Variants in CYP4F22 observed in about 807,000 individuals in gnomAD.
CYP4F22 encodes the protein ultra-long-chain fatty acid omega-hydroxylase.
Under a neutral mutation model 60.4 loss-of-function variants are expected in CYP4F22, and 37 were observed. That is an observed-to-expected ratio of 0.61 (90% CI 0.47 to 0.81). The LOEUF (loss-of-function observed/expected upper bound fraction) is 0.81, where lower values mean the gene tolerates loss of function less well. CYP4F22 is among the 30% of genes least tolerant of loss of function. The probability of loss-of-function intolerance (pLI) is 0.00; values close to 1 mark genes in which losing one functional copy is unlikely to be tolerated. For synonymous variants in CYP4F22, 258 were observed against 280.5 expected, an observed-to-expected ratio of 0.92 and a Z score of 0.80; for missense variants, 655 against 715.0, an observed-to-expected ratio of 0.92 and a Z score of 0.96.
At chr19:15,511,223 G>C (rs1971088367) in intron 1 of CYP4F22, among the ~76,000 whole-genome samples, 1 of 151,472 alleles carries the variant, frequency 6.6e-6, no homozygotes, top group Non-Finnish European at 1.5e-5. Flanking sequence ...TCCTCCCAAA[G>C]TGCTGAGATT....
Position 15,551,536 on chromosome 19 carries a change from C to T in CYP4F22, c.*65C>T. The T allele has an allele frequency of 6.6e-7, 1 of 1,520,154 alleles. No homozygotes were observed. Among genetic ancestry groups the T allele is most frequent in the Non-Finnish European group, 8.8e-7 (1 of 1,132,668 alleles). The allele number at this position is 1,520,154 out of a possible 1,614,324, so 94.2% of individuals were successfully genotyped here. On this transcript the variant is annotated 3_prime_UTR_variant, in exon 14 of 14. Coordinates refer to ENST00000269703, the MANE Select transcript of CYP4F22 (RefSeq NM_173483.4). ...CGCCCCCAAAGGACCAGGACTCGCC[C>T]CAAAGATCCCGAGGGCATAGGCCAC...
intron 4 of CYP4F22, 105 bp downstream of exon 4, chr19:15,529,958 G>T (rs1054450507): frequency 7.5e-5 from 113 of 1,497,926 alleles, no homozygotes; most frequent in Non-Finnish European, 1.0e-4. Flanking sequence ...TTTGAATAGG[G>T]CTTTGAAGGA....
At chr19:15,525,300 G>A (rs1971268577) in intron 2 of CYP4F22, 36 bp from the exon 3 acceptor site, 2 of 1,600,122 alleles carry the variant, frequency 1.2e-6, no homozygotes, top group East Asian at 4.5e-5. Context: ...ATCGTCTTGT[G>A]CATGGCACCG....
intron 13 of CYP4F22, among the ~76,000 whole-genome samples, 157 bp downstream of exon 13, chr19:15,550,913 A>G (rs530212835): frequency 6.6e-6 from 1 of 152,240 alleles, no homozygotes; most frequent in Admixed American, 6.5e-5. Context: ...AGGCCCCCAA[A>G]TCAGACTCTG....
rs1971585595 is a variant in CYP4F22 at position 15,550,752 on chromosome 19, C to T, written c.1414C>T (p.Pro472Ser). 6.2e-7 allele frequency: 1 copy of T among 1,614,066 alleles called. No individual in the cohort carries two copies. The highest frequency in any genetic ancestry group is 1.3e-5 in the African/African-American group (1 of 74,922). The change falls in exon 13 of 14, where the codon CCC becomes TCC. Residue 472 changes from proline (P) to serine (S), a missense_variant. By Grantham distance (74) the Pro-to-Ser change is moderately conservative. This residue lies in a region of CYP4F22 where 151 missense variants were observed against 139.4 expected (regional missense o/e 1.08). Coordinates refer to ENST00000269703, the MANE Select transcript of CYP4F22 (RefSeq NM_173483.4). ...PLAYVPFSAG[P>S]RNCIGQSFAM... is the part of the protein sequence containing the mutation. ...GGCCTATGTGCCCTTCTCTGCAGGA[C>T]CCAGGTAACCCCTCTATTTCCCCTA...
rs1409792142 is a variant in CYP4F22, at chr19:15,547,990, AGAGAGGGAGAGAGTGT to A, written c.1137-116_1137-101del. On this transcript the variant is annotated intron_variant, in intron 10 of 13. Coordinates refer to ENST00000269703, the MANE Select transcript of CYP4F22 (RefSeq NM_173483.4). ...CCCTGAGAGAGAGAGAGAGAGAGAG[AGAGAGGGAGAGAGTGT>A]GTGTGTGTGTGTGTGTGTGTGTGTG... 1,600 of 332,502 alleles carry A rather than the reference AGAGAGGGAGAGAGTGT, an allele frequency of 4.8e-3. 73 individuals carry two copies. The highest frequency in any genetic ancestry group is 0.01 in the East Asian group (114 of 10,892). The allele number at this position is 332,502 out of a possible 1,614,324, so 20.6% of individuals were successfully genotyped here.
intron 3 of CYP4F22, 120 bp from the exon 4 acceptor site, chr19:15,529,589 C>A: frequency 2.1e-6 from 3 of 1,418,516 alleles, no homozygotes; most frequent in Non-Finnish European, 2.9e-6. Flanking sequence ...AGCCAACTGC[C>A]TGAAATCATA....
At chr19:15,532,988 C>T (rs961120300) in intron 4 of CYP4F22, among the ~76,000 whole-genome samples, 1 of 152,196 alleles carries the variant, frequency 6.6e-6, no homozygotes, top group Non-Finnish European at 1.5e-5. Context: ...ACAGATCAGG[C>T]TCCAGTCACA....
intron 3 of CYP4F22, 35 bp downstream of exon 3, chr19:15,525,593 G>C: frequency 6.3e-7 from 1 of 1,591,812 alleles, no homozygotes. Context: ...GCTGGGCTGG[G>C]CTGGGCATGT....
In CYP4F22 at chr19:15,548,002, A is replaced by AGAGAGAGAGAGTGTGT. The variant is rs1237209926; in HGVS notation, c.1137-105_1137-104insAGAGAGAGAGTGTGTG. 1.2e-5 allele frequency: 4 copies of AGAGAGAGAGAGTGTGT among 322,402 alleles called. No homozygotes were observed. In the African/African-American group the frequency reaches 1.7e-4, roughly 13 times the overall value. The allele number at this position is 322,402 out of a possible 1,614,324, so 20.0% of individuals were successfully genotyped here. On this transcript the variant is annotated intron_variant, in intron 10 of 13. Transcript: ENST00000269703. ...GAGAGAGAGAGAGAGAGAGGGAGAG[A>AGAGAGAGAGAGTGTGT]GTGTGTGTGTGTGTGTGTGTGTGTG... is the stretch of plus-strand genomic sequence containing the variant.
At chr19:15,533,128 T>A (rs183704181) in intron 4 of CYP4F22, among the ~76,000 whole-genome samples, 4 of 152,298 alleles carry the variant, frequency 2.6e-5, no homozygotes, top group Admixed American at 6.5e-5. Flanking sequence ...TTCCCCATCA[T>A]CTTATGGGCC....
chr19:15,513,349 G>GTAGATATA (rs1971114335), intron 1 of CYP4F22, among the ~76,000 whole-genome samples: 1 of 75,236 alleles, frequency 1.3e-5, no homozygotes, highest in Non-Finnish European at 2.5e-5. Context: ...CTAATTTTTT[G>GTAGATATA]TATATATATA....
chr19:15,548,213 G>A lies in CYP4F22; in HGVS notation c.1242G>A (p.Lys414=), dbSNP rs762300969. Residue 414 remains lysine, a synonymous_variant, in exon 11 of 14, where the codon AAG becomes AAA. Coordinates refer to ENST00000269703, the MANE Select transcript of CYP4F22 (RefSeq NM_173483.4). ...LVSRQCTEDI[K]LPDGRIIPKG... The stretch of plus-strand genomic sequence containing the variant: ...CTCGCCAATGCACGGAGGACATCAA[G>A]CTCCCAGATGGGCGCATCATCCCCA... 6.2e-7 allele frequency: 1 copy of A among 1,614,010 alleles called. No individual in the cohort carries two copies. The highest frequency in any genetic ancestry group is 1.3e-5 in the African/African-American group (1 of 74,908).
intron 9 of CYP4F22, 56 bp from the exon 10 acceptor site, chr19:15,544,094 C>T (rs1971494913): frequency 6.2e-7 from 1 of 1,614,152 alleles, no homozygotes; most frequent in African/African-American, 1.3e-5. Flanking sequence ...TGTCTGTAGA[C>T]AGCATCTCTG....
intron 2 of CYP4F22, among the ~76,000 whole-genome samples, chr19:15,524,003 C>T (rs1343596711): frequency 1.3e-5 from 2 of 149,166 alleles, no homozygotes; most frequent in South Asian, 2.1e-4. Flanking sequence ...AAGGCTGGAG[C>T]GAGTCGTGAT....
chr19:15,531,277 G>C (rs1971340070), intron 4 of CYP4F22, among the ~76,000 whole-genome samples: 1 of 151,950 alleles, frequency 6.6e-6, no homozygotes, highest in Non-Finnish European at 1.5e-5. Context: ...CTACTCAGGA[G>C]GCTGAGGTGA....
In CYP4F22 at chr19:15,516,752, C is replaced by A. The variant is rs529426007; in HGVS notation, c.-108-6941C>A. The A allele has an allele frequency of 7.4e-5, 47 of 634,458 alleles. No homozygotes were observed. In the African/African-American group the frequency reaches 8.9e-4, roughly 12 times the overall value. The allele number at this position is 634,458 out of a possible 1,614,324, so 39.3% of individuals were successfully genotyped here. Reference sequence around the variant, plus strand: ...GAAGTCTTTGTATTCAACCTGGAATCCCTGGACTCTGGAAAGATAGTCCAC... The same window carrying A: ...GAAGTCTTTGTATTCAACCTGGAATACCTGGACTCTGGAAAGATAGTCCAC... On this transcript the variant is annotated intron_variant, in intron 1 of 13. Transcript: ENST00000269703.
At chr19:15,508,954 C>T (rs1043973724) in intron 1 of CYP4F22, among the ~76,000 whole-genome samples, 1 of 152,114 alleles carries the variant, frequency 6.6e-6, no homozygotes, top group Non-Finnish European at 1.5e-5. Context: ...GTTCAAGCCC[C>T]GCCCTGGGAC....
intron 1 of CYP4F22, among the ~76,000 whole-genome samples, chr19:15,521,755 C>A (rs144340116): frequency 6.6e-6 from 1 of 152,180 alleles, no homozygotes; most frequent in Non-Finnish European, 1.5e-5. Flanking sequence ...ACTGCAGCCT[C>A]GAACAACTGG....
Sources: gnomAD v4.1 joint callset for allele counts (sites outside exome capture counted in the v4.1 genomes callset) on GRCh38, gnomAD v4.1.1 for gene constraint, gnomAD v4.1.1 regional missense constraint, MANE v1.5 for transcripts, NCBI Gene and HGNC (gene_info 2026-07-23, HGNC 2026-07-21) for gene names.